The following CLK3 variants were observed in gnomAD, a reference collection of about 807,000 sequenced individuals.
CLK3 encodes the protein dual specificity protein kinase CLK3.
In CLK3, 24 loss-of-function variants were observed where a neutral mutation model predicts 65.2. The ratio of observed to expected loss-of-function variants is 0.37; its 90% confidence interval spans 0.27 to 0.52. The LOEUF (loss-of-function observed/expected upper bound fraction) is 0.52, where lower values mean the gene tolerates loss of function less well. Ranked by LOEUF, CLK3 falls within the 20% of genes least tolerant of loss-of-function variation. CLK3 has a pLI of 0.92. For synonymous variants in CLK3, 252 were observed against 240.8 expected (o/e 1.05, Z -0.43); for missense variants, 506 against 660.0 (o/e 0.77, Z 2.56).
At chr15:74,616,491 C>G (rs1338530995) in intron 1 of CLK3, among the ~76,000 whole-genome samples, 1 of 152,252 alleles carries the variant, frequency 6.6e-6, no homozygotes, top group Admixed American at 6.5e-5. Flanking sequence ...GCCAAGCTGA[C>G]AGTTCAAATC....
At position 74,629,504 on chromosome 15, in the gene CLK3, G is replaced by C. The variant is rs1413577325; in HGVS notation, c.1297-203G>C. 6 of 592,228 alleles carry C rather than the reference G, an allele frequency of 1.0e-5. No individual in the cohort carries two copies. The Admixed American group carries it at 1.2e-4, about 12-fold the overall frequency. The allele number at this position is 592,228 out of a possible 1,614,324, so 36.7% of individuals were successfully genotyped here. On this transcript the variant is annotated intron_variant, in intron 12 of 12. Coordinates refer to ENST00000395066, the MANE Select transcript of CLK3 (RefSeq NM_001130028.2). ...CATCAACCCAGCAAGACACCTAGTAGCCTGGCAAGTTCCGAGCAAAACGTT... is the reference window on the plus strand; with the variant it reads ...CATCAACCCAGCAAGACACCTAGTACCCTGGCAAGTTCCGAGCAAAACGTT...
chr15:74,616,712 G>T (rs2062063181), intron 1 of CLK3, among the ~76,000 whole-genome samples: 1 of 152,228 alleles, frequency 6.6e-6, no homozygotes, highest in Non-Finnish European at 1.5e-5. Flanking sequence ...GTTTGAGGTT[G>T]CAGTGGTAGG....
Position 74,622,277 on chromosome 15 carries a change from C to A in CLK3, c.466+61C>A, listed in dbSNP as rs1596288561. The stretch of plus-strand genomic sequence containing the variant: ...TTTCTACCCCCCTTGTTAGACGAGA[C>A]CTCTCCTGCCTGGAGGGGCCTCTAG... On this transcript the variant is annotated intron_variant, in intron 4 of 12. Coordinates refer to ENST00000395066, the MANE Select transcript of CLK3 (RefSeq NM_001130028.2). This position sits in a 1 kb window ranked among gnomAD's most constrained non-coding sequence, Gnocchi z 4.6. 1 of 1,507,844 alleles carries A rather than the reference C, an allele frequency of 6.6e-7. No individual in the cohort carries two copies. Among genetic ancestry groups the A allele is most frequent in the East Asian group, 2.3e-5 (1 of 44,036 alleles). The allele number at this position is 1,507,844 out of a possible 1,614,324, so 93.4% of individuals were successfully genotyped here. A position where few individuals can be genotyped will look rare whatever the true frequency, so the allele number is the denominator to read the frequency against.
In CLK3 at chr15:74,628,041, A is replaced by G. The variant is rs781159406; in HGVS notation, c.1114A>G (p.Thr372Ala). 2 of 1,611,428 alleles carry G rather than the reference A, an allele frequency of 1.2e-6. No individual in the cohort carries two copies. The highest frequency in any genetic ancestry group is 1.1e-5 in the South Asian group (1 of 91,030). ...TCTCTTTGAGTACTACCGGGGCTTC[A>G]CACTCTTCCAGGTACAGCCACCCTG... ...CILFEYYRGF[T>A]LFQTHENREH... Residue 372 changes from threonine to alanine, a missense_variant, in exon 10 of 13, where the codon ACA becomes GCA. Thr to Ala is a moderately conservative substitution (Grantham distance 58, BLOSUM62 0). Around this residue, in one of 2 missense-constraint regions of CLK3, gnomAD observed 325 missense variants for 500.5 expected, o/e 0.65. Transcript: ENST00000395066.
upstream of CLK3, among the ~76,000 whole-genome samples, chr15:74,611,478 G>A (rs1040891385): frequency 3.3e-5 from 5 of 152,372 alleles, no homozygotes; most frequent in East Asian, 1.9e-4. Context: ...GGCTTGCTCC[G>A]ACAGGGCCTC....
rs2062175224 is a variant in CLK3 at position 74,629,485 on chromosome 15, C to G, written c.1297-222C>G. On this transcript the variant is annotated intron_variant, in intron 12 of 12. Transcript: ENST00000395066. ...TTGCATGTGGGGGCAGAGGCATCAA[C>G]CCAGCAAGACACCTAGTAGCCTGGC... is the stretch of plus-strand genomic sequence containing the variant. The G allele has an allele frequency of 2.2e-5, 13 of 582,076 alleles. No homozygotes were observed. In the South Asian group the frequency reaches 2.6e-4, roughly 12 times the overall value. 36.1% of individuals were successfully genotyped at this position (582,076 alleles called of 1,614,324 possible). A position where few individuals can be genotyped will look rare whatever the true frequency, so the allele number is the denominator to read the frequency against.
At chr15:74,625,703 G>A (rs945516973) in intron 6 of CLK3, 99 bp from the exon 7 acceptor site, 4 of 1,269,906 alleles carry the variant, frequency 3.1e-6, no homozygotes, top group East Asian at 4.6e-5. Context: ...TGTGTGACCC[G>A]GTGGCCTAGG....
rs2062129149 is a variant in CLK3 at position 74,624,555 on chromosome 15, C to T, written c.534-347C>T. ...ACAGCCTGGCCAGGGTTGGGGCTGC[C>T]TGGCCTATAGGTTAGGTCACTGTGT... is the stretch of plus-strand genomic sequence containing the variant. On this transcript the variant is annotated intron_variant, in intron 5 of 12. Transcript: ENST00000395066. The surrounding 1 kb of genome is among the most constrained non-coding windows in gnomAD (Gnocchi z 4.2). 1 of 258,014 alleles carries T rather than the reference C, an allele frequency of 3.9e-6. No individual in the cohort carries two copies. Among genetic ancestry groups the T allele is most frequent in the Non-Finnish European group, 7.6e-6 (1 of 132,294 alleles). 16.0% of individuals were successfully genotyped at this position (258,014 alleles called of 1,614,324 possible). A position where few individuals can be genotyped will look rare whatever the true frequency, so the allele number is the denominator to read the frequency against.
chr15:74,617,660 G>A (rs2062070727), intron 1 of CLK3, among the ~76,000 whole-genome samples: 1 of 152,220 alleles, frequency 6.6e-6, no homozygotes, highest in African/African-American at 2.4e-5. Flanking sequence ...TCTTTGGCGT[G>A]GTGTGACTGT....
Position 74,619,329 on chromosome 15 carries a change from C to T in CLK3, c.133C>T (p.Arg45Ter), listed in dbSNP as rs753340610. Residue 45 changes from arginine (R) to a stop codon, truncating the protein, a stop_gained, in exon 2 of 13, where the codon CGA becomes TGA. Coordinates refer to ENST00000395066, the MANE Select transcript of CLK3 (RefSeq NM_001130028.2). LOFTEE classifies it high-confidence loss of function. ...CCCGTCCCGAAGGGAGCCTCCCCCA[C>T]GAAGATCTCGGTCCAGAAGGTGAGA... ...RYPSRREPPP[R>*]RSRSRSHDRL... 4 of 1,614,134 alleles carry T rather than the reference C, an allele frequency of 2.5e-6. No homozygotes were observed. Among genetic ancestry groups the T allele is most frequent in the Non-Finnish European group, 2.5e-6 (3 of 1,179,996 alleles).
rs768848990 is a variant in CLK3 at position 74,622,146 on chromosome 15, C to T, written c.396C>T (p.Ser132=). 1 of 1,614,184 alleles carries T rather than the reference C, an allele frequency of 6.2e-7. No individual in the cohort carries two copies. The highest frequency in any genetic ancestry group is 1.1e-5 in the South Asian group (1 of 91,086). ...SSRSQQSSKR[S]SRSVEDDKEG... ...GAAGCCAACAGAGCAGTAAGCGCAG[C>T]AGCCGGAGTGTGGAAGATGACAAGG... is the stretch of plus-strand genomic sequence containing the variant. Residue 132 remains serine, a synonymous_variant, in exon 4 of 13, where the codon AGC becomes AGT. Coordinates refer to ENST00000395066, the MANE Select transcript of CLK3 (RefSeq NM_001130028.2). The surrounding 1 kb of genome is among the most constrained non-coding windows in gnomAD (Gnocchi z 4.6).
chr15:74,618,401 G>A (rs547695293), intron 1 of CLK3, among the ~76,000 whole-genome samples: 1 of 152,278 alleles, frequency 6.6e-6, no homozygotes, highest in African/African-American at 2.4e-5. Flanking sequence ...TGGGATAGGC[G>A]GAGGGTAGGA....
chr15:74,625,068 C>T lies in CLK3; in HGVS notation c.650+50C>T, dbSNP rs373788083. 4.4e-6 allele frequency: 6 copies of T among 1,360,592 alleles called. No individual in the cohort carries two copies. The Admixed American group carries it at 5.1e-5, about 11-fold the overall frequency. The allele number at this position is 1,360,592 out of a possible 1,614,324, so 84.3% of individuals were successfully genotyped here. ...GGAAGCCTTCAGTGGGGCTGCTGGA[C>T]CCCCAGGGGCTTAGTAGTGTGCCTT... On this transcript the variant is annotated intron_variant, in intron 6 of 12. Coordinates refer to ENST00000395066, the MANE Select transcript of CLK3 (RefSeq NM_001130028.2).
chr15:74,614,503 G>C (rs1040229038), upstream of CLK3, among the ~76,000 whole-genome samples: 29 of 152,298 alleles, frequency 1.9e-4, no homozygotes, highest in African/African-American at 7.0e-4. Context: ...TTTTTGGAAG[G>C]GGACCCAGTT....
upstream of CLK3, chr15:74,615,575 G>A (rs1596284457): frequency 7.1e-6 from 9 of 1,266,124 alleles, no homozygotes; most frequent in Middle Eastern, 3.0e-4. Flanking sequence ...AGCCCAGCCG[G>A]CCCGGGCCGC....
intron 10 of CLK3, 109 bp from the exon 11 acceptor site, chr15:74,628,495 G>C: frequency 1.4e-6 from 1 of 727,772 alleles, no homozygotes; most frequent in Non-Finnish European, 2.3e-6. Flanking sequence ...TGGTAGGTTT[G>C]CATGTCCTGG....
chr15:74,629,774 T>A lies in CLK3; in HGVS notation c.1364T>A (p.Phe455Tyr). 1 of 1,613,680 alleles carries A rather than the reference T, an allele frequency of 6.2e-7. No homozygotes were observed. Among genetic ancestry groups the A allele is most frequent in the East Asian group, 2.2e-5 (1 of 44,846 alleles). The change falls in exon 13 of 13, where the codon TTT becomes TAT. Residue 455 changes from phenylalanine to tyrosine, a missense_variant. By Grantham distance (22) the Phe-to-Tyr change is conservative (BLOSUM62 3). This residue lies in a region of CLK3 where 325 missense variants were observed against 500.5 expected (regional missense o/e 0.65). Coordinates refer to ENST00000395066, the MANE Select transcript of CLK3 (RefSeq NM_001130028.2). ...GACCTGATGAGGAGGATGTTAGAAT[T>A]TGACCCTGCCCAGCGCATCACACTG... ...LFDLMRRMLE[F>Y]DPAQRITLAE... is the part of the protein sequence containing the mutation.
chr15:74,619,880 T>C, intron 2 of CLK3, 129 bp from the exon 3 acceptor site: 2 of 1,469,526 alleles, frequency 1.4e-6, no homozygotes, highest in Non-Finnish European at 1.8e-6. Flanking sequence ...TCTGCCCACT[T>C]CCCACCAGTG....
chr15:74,627,544 TGAG>T lies in CLK3; in HGVS notation c.922_924del (p.Glu308del), dbSNP rs1171107440. On this transcript the variant is annotated inframe_deletion, in exon 9 of 13. Transcript: ENST00000395066. The surrounding 1 kb of genome is among the most constrained non-coding windows in gnomAD (Gnocchi z 4.3). Reference sequence around the variant, plus strand: ...AGGCCTGCCTTGCCTTTCAGAGCTGTGAGGAGAAGTCAGTGAAGAACACCAGCA... The same window carrying T: ...AGGCCTGCCTTGCCTTTCAGAGCTGTGAGAAGTCAGTGAAGAACACCAGCA... 7.4e-6 allele frequency: 12 copies of T among 1,614,008 alleles called. No homozygotes were observed. The highest frequency in any genetic ancestry group is 2.7e-5 in the African/African-American group (2 of 74,906).
Sources: gnomAD v4.1 joint callset for allele counts (sites outside exome capture counted in the v4.1 genomes callset) on GRCh38, gnomAD v4.1.1 for gene constraint, gnomAD v4.1.1 regional missense constraint, Gnocchi (gnomAD v3.1) non-coding constraint, MANE v1.5 for transcripts, NCBI Gene and HGNC (gene_info 2026-07-23, HGNC 2026-07-21) for gene names.